Variants in RASGRF1 observed in about 807,000 individuals in gnomAD.
The protein encoded by RASGRF1 is ras-specific guanine nucleotide-releasing factor 1.
A neutral mutation model predicts 138.7 loss-of-function variants in RASGRF1; 40 were observed. The observed-to-expected ratio is 0.29, with a 90% CI of 0.22 to 0.38. The LOEUF is 0.38. RASGRF1 is among the 10% of genes least tolerant of loss of function. The pLI, the probability that RASGRF1 is intolerant of heterozygous loss-of-function variation, is 1.00. For missense variants in RASGRF1, 1,108 were observed against 1,650.4 expected (o/e 0.67, Z 5.69); for synonymous variants, 614 against 663.2 (o/e 0.93, Z 1.14).
chr15:79,003,415 C>T (rs1023958785), intron 15 of RASGRF1, among the ~76,000 whole-genome samples: 3 of 152,206 alleles, frequency 2.0e-5, no homozygotes, highest in Admixed American at 6.5e-5. Flanking sequence ...GAGCTGCTGA[C>T]GACCTCTTCT....
intron 10 of RASGRF1, among the ~76,000 whole-genome samples, chr15:79,023,620 C>G (rs2056997093): frequency 6.6e-6 from 1 of 152,180 alleles, no homozygotes; most frequent in African/African-American, 2.4e-5. Context: ...AGCAAAGGCC[C>G]TCGGCCTATG....
chr15:79,089,865 G>T (rs1194895140), intron 1 of RASGRF1, among the ~76,000 whole-genome samples: 3 of 152,166 alleles, frequency 2.0e-5, no homozygotes, highest in Non-Finnish European at 4.4e-5. Flanking sequence ...AGTGGGGGTT[G>T]GGAGCACCAT....
chr15:79,062,173 G>A (rs920944338), intron 2 of RASGRF1, among the ~76,000 whole-genome samples: 1 of 152,134 alleles, frequency 6.6e-6, no homozygotes, highest in African/African-American at 2.4e-5. Flanking sequence ...TGTAGTCCTG[G>A]TTATCAGCAC....
chr15:78,965,779 A>T (rs567505525), intron 26 of RASGRF1, among the ~76,000 whole-genome samples: 9 of 152,330 alleles, frequency 5.9e-5, no homozygotes, highest in African/African-American at 2.2e-4. Flanking sequence ...TGAACCTGGG[A>T]GGCAGAAGTT....
At chr15:79,039,691 C>T (rs1298267421) in intron 5 of RASGRF1, among the ~76,000 whole-genome samples, 1 of 152,124 alleles carries the variant, frequency 6.6e-6, no homozygotes, top group Non-Finnish European at 1.5e-5. Context: ...TGTGTTTCTT[C>T]CTAGACAGTT....
At chr15:78,978,709 C>G in intron 24 of RASGRF1, 1 of 1,063,178 alleles carries the variant, frequency 9.4e-7, no homozygotes, top group Non-Finnish European at 1.1e-6. Context: ...GCTCAGTATT[C>G]ATGCAACACC....
chr15:78,978,220 G>GTTTTTTTTTTTTTTTTTTTTTTTTTT (rs71148584), intron 24 of RASGRF1, among the ~76,000 whole-genome samples: 1 of 125,098 alleles, frequency 8.0e-6, no homozygotes, highest in African/African-American at 4.0e-5. Flanking sequence ...CTTTTCTTTT[G>GTTTTTTTTTTTTTTTTTTTTTTTTTT]TTTTTTTTTT....
chr15:79,085,834 C>T (rs2057971991), intron 1 of RASGRF1, among the ~76,000 whole-genome samples: 1 of 152,168 alleles, frequency 6.6e-6, no homozygotes, highest in Admixed American at 6.5e-5. Flanking sequence ...GAAGGACCTA[C>T]CACAGGCCTG....
chr15:79,089,875 T>G (rs1057153223), intron 1 of RASGRF1, among the ~76,000 whole-genome samples: 6 of 152,150 alleles, frequency 3.9e-5, no homozygotes, highest in African/African-American at 1.4e-4. Context: ...GGGAGCACCA[T>G]TTTTGGCTGG....
intron 3 of RASGRF1, 76 bp downstream of exon 3, chr15:79,058,258 C>T (rs1195901133): frequency 7.8e-6 from 12 of 1,543,686 alleles, no homozygotes; most frequent in Admixed American, 1.8e-5. Flanking sequence ...TGTCATGTGG[C>T]TCCCCAATCC....
Position 78,971,871 on chromosome 15 carries a change from C to A in RASGRF1, c.3676G>T (p.Ala1226Ser), listed in dbSNP as rs2055767888. The stretch of plus-strand genomic sequence containing the variant: ...CAGGAAAAGGCACAGCTTACCTTTG[C>A]TTGGTGCTCTATTTTGTAGGCAGTT... The part of the protein sequence containing the change: ...QQTAYKIEHQ[A>S]KVTQYLLDQS... The change falls in exon 26 of 27, where the codon GCA (alanine) becomes TCA (serine). Residue 1226 changes from alanine to serine, a missense_variant. Transcript: ENST00000558480. The A allele has an allele frequency of 6.3e-7, 1 of 1,578,130 alleles. No homozygotes were observed. The highest frequency in any genetic ancestry group is 1.4e-5 in the African/African-American group (1 of 74,034).
At chr15:78,976,513 C>G (rs1371688259) in intron 24 of RASGRF1, among the ~76,000 whole-genome samples, 1 of 152,000 alleles carries the variant, frequency 6.6e-6, no homozygotes, top group African/African-American at 2.4e-5. Flanking sequence ...CAAGCTTGCT[C>G]TATAGTGAGG....
chr15:79,053,338 T>G (rs1056750468), intron 3 of RASGRF1, among the ~76,000 whole-genome samples: 2 of 152,222 alleles, frequency 1.3e-5, no homozygotes, highest in African/African-American at 4.8e-5. Flanking sequence ...TGCAGTTCCC[T>G]CCACTGTCAG....
At chr15:79,042,750 A>G (rs1050297478) in intron 5 of RASGRF1, among the ~76,000 whole-genome samples, 4 of 152,220 alleles carry the variant, frequency 2.6e-5, no homozygotes, top group African/African-American at 7.2e-5. Context: ...AGGATCAGAA[A>G]GCATGCAGGC....
rs1044312258 is a variant in RASGRF1, at chr15:79,090,711, G to T, written c.-213C>A. The T allele has an allele frequency of 3.1e-6, 2 of 650,786 alleles. No individual in the cohort carries two copies. Among genetic ancestry groups the T allele is most frequent in the Non-Finnish European group, 5.1e-6 (2 of 395,032 alleles). 40.3% of individuals were successfully genotyped at this position (650,786 alleles called of 1,614,324 possible). A position where few individuals can be genotyped will look rare whatever the true frequency, so the allele number is the denominator to read the frequency against. ...CATTCCCCGCTGGAACCTCTTCTCC[G>T]CTCCGCAGAGCCCCAGTACCCGGAA... On this transcript the variant is annotated 5_prime_UTR_variant, in exon 1 of 27. Coordinates refer to ENST00000558480, the MANE Select transcript of RASGRF1 (RefSeq NM_001145648.3).
chr15:79,072,216 G>T (rs377006829), intron 1 of RASGRF1, among the ~76,000 whole-genome samples: 1 of 151,208 alleles, frequency 6.6e-6, no homozygotes, highest in Non-Finnish European at 1.5e-5. Context: ...ACCTCACGAG[G>T]GTGGTGGTCT....
intron 26 of RASGRF1, among the ~76,000 whole-genome samples, chr15:78,970,547 C>G (rs1022466622): frequency 7.0e-6 from 1 of 142,562 alleles, no homozygotes; most frequent in Non-Finnish European, 1.5e-5. Context: ...TGATTGAACC[C>G]GGGAGGTGGA....
intron 11 of RASGRF1, among the ~76,000 whole-genome samples, chr15:79,019,360 C>T (rs1269073767): frequency 1.3e-5 from 2 of 152,166 alleles, no homozygotes. Flanking sequence ...ATAATGACCC[C>T]ACCTCCAATT....
intron 24 of RASGRF1, among the ~76,000 whole-genome samples, chr15:78,974,148 C>T (rs1237123999): frequency 6.6e-6 from 1 of 152,158 alleles, no homozygotes; most frequent in African/African-American, 2.4e-5. Flanking sequence ...TGTTCCTTCC[C>T]AGCGTGTTCT....
Sources: gnomAD v4.1 joint callset for allele counts (sites outside exome capture counted in the v4.1 genomes callset) on GRCh38, gnomAD v4.1.1 for gene constraint, MANE v1.5 for transcripts, NCBI Gene and HGNC (gene_info 2026-07-23, HGNC 2026-07-21) for gene names.